Variants in B3GNT2 observed in about 807,000 individuals in gnomAD.
The protein encoded by B3GNT2 is UDP-GlcNAc:betaGal beta-1,3-N-acetylglucosaminyltransferase 2.
Under a neutral mutation model 27.6 loss-of-function variants are expected in B3GNT2, and 12 were observed. The observed-to-expected ratio is 0.44, with a 90% CI of 0.28 to 0.71. The LOEUF (loss-of-function observed/expected upper bound fraction) is 0.71, where lower values mean the gene tolerates loss of function less well. Among genes scored for constraint, B3GNT2 ranks in the 30% least tolerant of loss-of-function variants. B3GNT2 has a pLI of 0.17. For synonymous variants in B3GNT2, 192 were observed against 189.7 expected, an observed-to-expected ratio of 1.01 and a Z score of -0.10; for missense variants, 413 against 488.5, an observed-to-expected ratio of 0.85 and a Z score of 1.46.
chr2:62,217,766 A>G (rs1358883584), intron 1 of B3GNT2, among the ~76,000 whole-genome samples: 1 of 152,238 alleles, frequency 6.6e-6, no homozygotes, highest in African/African-American at 2.4e-5. Context: ...ACCACCCTGA[A>G]TAAACCCACT....
At chr2:62,214,946 A>T (rs1489427206) in intron 1 of B3GNT2, among the ~76,000 whole-genome samples, 2 of 152,176 alleles carry the variant, frequency 1.3e-5, no homozygotes, top group Admixed American at 6.5e-5. Context: ...TACTAAAGGC[A>T]GGGCAGAATG....
intron 1 of B3GNT2, among the ~76,000 whole-genome samples, chr2:62,203,949 TTG>T: frequency 6.6e-6 from 1 of 152,240 alleles, no homozygotes; most frequent in Non-Finnish European, 1.5e-5. Flanking sequence ...TTGGAATCCA[TTG>T]AACTCATGAA....
At chr2:62,200,337 G>A (rs574135367) in intron 1 of B3GNT2, among the ~76,000 whole-genome samples, 1 of 152,288 alleles carries the variant, frequency 6.6e-6, no homozygotes, top group South Asian at 2.1e-4. Context: ...GAAATTCCCA[G>A]TAGCCAGGAA....
chr2:62,216,765 G>T (rs547055139), intron 1 of B3GNT2, among the ~76,000 whole-genome samples: 1 of 152,188 alleles, frequency 6.6e-6, no homozygotes, highest in African/African-American at 2.4e-5. Context: ...GAAAACCATG[G>T]TTTTGCATGG....
chr2:62,204,477 A>T (rs1383276667), intron 1 of B3GNT2, among the ~76,000 whole-genome samples: 1 of 152,202 alleles, frequency 6.6e-6, no homozygotes, highest in African/African-American at 2.4e-5. Context: ...GCCGAATGAT[A>T]TTTTCAGATT....
intron 1 of B3GNT2, among the ~76,000 whole-genome samples, chr2:62,197,882 T>G (rs1343482260): frequency 1.3e-5 from 2 of 152,222 alleles, no homozygotes; most frequent in Non-Finnish European, 2.9e-5. Flanking sequence ...CTCCTGCTCC[T>G]GGTTCTTTTG....
In B3GNT2 at chr2:62,224,613, TA is replaced by T; in HGVS notation, c.*1200del. 6.0e-6 allele frequency: 1 copy of T among 167,236 alleles called. No individual in the cohort carries two copies. The allele number at this position is 167,236 out of a possible 1,614,324, so 10.4% of individuals were successfully genotyped here. A position where few individuals can be genotyped will look rare whatever the true frequency, so the allele number is the denominator to read the frequency against. On this transcript the variant is annotated 3_prime_UTR_variant, in exon 2 of 2. Coordinates refer to ENST00000301998, the MANE Select transcript of B3GNT2 (RefSeq NM_006577.6). ...TTTAAAATTCTGCCAAACTATTACT[TA>T]TATGTACTATTGTGTAACATACTTT...
intron 1 of B3GNT2, among the ~76,000 whole-genome samples, chr2:62,209,616 T>C (rs1259232377): frequency 2.6e-5 from 4 of 151,990 alleles, no homozygotes; most frequent in African/African-American, 9.7e-5. Flanking sequence ...GCCAGACCCT[T>C]TACCCGCCCC....
intron 1 of B3GNT2, among the ~76,000 whole-genome samples, chr2:62,208,863 C>G (rs1333544038): frequency 6.6e-6 from 1 of 152,054 alleles, no homozygotes; most frequent in East Asian, 1.9e-4. Context: ...TGTGTCAGAC[C>G]TGTTATCACA....
In B3GNT2 at chr2:62,224,582, C is replaced by G. The variant is rs1674787079; in HGVS notation, c.*1168C>G. ...ATTTGTTTTTTGGGGGTATGAACTA[C>G]TAGAGTTTAAAATTCTGCCAAACTA... On this transcript the variant is annotated 3_prime_UTR_variant, in exon 2 of 2. Coordinates refer to ENST00000301998, the MANE Select transcript of B3GNT2 (RefSeq NM_006577.6). The G allele has an allele frequency of 6.0e-6, 1 of 167,062 alleles. No individual in the cohort carries two copies. Among genetic ancestry groups the G allele is most frequent in the Admixed American group, 6.5e-5 (1 of 15,296 alleles). The allele number at this position is 167,062 out of a possible 1,614,324, so 10.3% of individuals were successfully genotyped here. A position where few individuals can be genotyped will look rare whatever the true frequency, so the allele number is the denominator to read the frequency against.
rs141719902 is a variant in B3GNT2, at chr2:62,200,112, G to A, written c.-10+3757G>A. Among the ~76,000 whole-genome samples the A allele has an allele frequency of 5.0e-3, 761 of 152,290 alleles. 4 individuals carry two copies. Among genetic ancestry groups the A allele is most frequent in the African/African-American group, 0.017 (694 of 41,538 alleles). ...TTGCCCTCTGTGTGTTGCCCTGTGAGTATTAACAACCTCTGCCCACCAGCT... is the reference window on the plus strand; with the variant it reads ...TTGCCCTCTGTGTGTTGCCCTGTGAATATTAACAACCTCTGCCCACCAGCT... On this transcript the variant is annotated intron_variant, in intron 1 of 1. Coordinates refer to ENST00000301998, the MANE Select transcript of B3GNT2 (RefSeq NM_006577.6).
chr2:62,212,764 G>C (rs1183807801), intron 1 of B3GNT2, among the ~76,000 whole-genome samples: 3 of 152,056 alleles, frequency 2.0e-5, no homozygotes, highest in African/African-American at 7.2e-5. Context: ...GCATCCTTTA[G>C]ATTGTTATTT....
chr2:62,210,060 A>C (rs1040564979), intron 1 of B3GNT2, among the ~76,000 whole-genome samples: 11 of 152,072 alleles, frequency 7.2e-5, no homozygotes, highest in Admixed American at 6.6e-5. Context: ...TTCTCATATC[A>C]ATTTGGAAAG....
Position 62,223,140 on chromosome 2 carries a change from G to T in B3GNT2, c.920G>T (p.Gly307Val). 6.2e-7 allele frequency: 1 copy of T among 1,614,162 alleles called. No individual in the cohort carries two copies. The highest frequency in any genetic ancestry group is 8.5e-7 in the Non-Finnish European group (1 of 1,180,024). Residue 307 changes from glycine to valine, a missense_variant, in exon 2 of 2, where the codon GGG (glycine) becomes GTG (valine). Physicochemically the swap from Gly to Val is moderately radical, Grantham distance 109 (BLOSUM62 -3). Transcript: ENST00000301998. ...CTCTACCCACCCTATGCAGGGGGAGGGGGGTTCCTCTACTCCGGCCACCTG... is the reference window on the plus strand; with the variant it reads ...CTCTACCCACCCTATGCAGGGGGAGTGGGGTTCCTCTACTCCGGCCACCTG... ...SGLYPPYAGGGGFLYSGHLAL... is the reference protein window; with the variant it reads ...SGLYPPYAGGVGFLYSGHLAL...
At chr2:62,198,932 C>A (rs1674209125) in intron 1 of B3GNT2, among the ~76,000 whole-genome samples, 1 of 151,988 alleles carries the variant, frequency 6.6e-6, no homozygotes, top group African/African-American at 2.4e-5. Flanking sequence ...TGAAACTTAG[C>A]TTTAAATGTT....
At position 62,222,765 on chromosome 2, in the gene B3GNT2, T is replaced by C. The variant is rs1225103448; in HGVS notation, c.545T>C (p.Leu182Pro). 1 of 1,614,076 alleles carries C rather than the reference T, an allele frequency of 6.2e-7. No individual in the cohort carries two copies. Among genetic ancestry groups the C allele is most frequent in the Non-Finnish European group, 8.5e-7 (1 of 1,180,044 alleles). ...CAAACGGTGGTGCGAGTCTTCCTGC[T>C]GGGCCAGACACCCCCAGAGGACAAC... is the stretch of plus-strand genomic sequence containing the variant. ...GNQTVVRVFL[L>P]GQTPPEDNHP... Residue 182 changes from leucine (L) to proline (P), a missense_variant, in exon 2 of 2, where the codon CTG becomes CCG. Coordinates refer to ENST00000301998, the MANE Select transcript of B3GNT2 (RefSeq NM_006577.6). The surrounding 1 kb of genome is among the most constrained non-coding windows in gnomAD (Gnocchi z 4.2).
At chr2:62,201,516 A>T (rs1268705597) in intron 1 of B3GNT2, among the ~76,000 whole-genome samples, 2 of 152,256 alleles carry the variant, frequency 1.3e-5, no homozygotes, top group Non-Finnish European at 2.9e-5. Context: ...CAGACAAGCC[A>T]CTTAAAACAT....
In B3GNT2 at chr2:62,196,533, A is replaced by G. The variant is rs529546866; in HGVS notation, c.-10+178A>G. 8.5e-5 allele frequency among the ~76,000 whole-genome samples: 13 copies of G among 152,328 alleles called. No homozygotes were observed. The South Asian group carries it at 1.0e-3, about 12-fold the overall frequency. ...TTCGTACCCGCGCCCCGGTGGAGGA[A>G]GCCGTCCCTAGGTGGCTCCTGCCGC... On this transcript the variant is annotated intron_variant, in intron 1 of 1. Transcript: ENST00000301998.
At chr2:62,214,340 AGAG>A (rs1442285236) in intron 1 of B3GNT2, among the ~76,000 whole-genome samples, 3 of 152,120 alleles carry the variant, frequency 2.0e-5, no homozygotes. Context: ...GCTCTGGAAT[AGAG>A]GAGAGATGAG....
Sources: gnomAD v4.1 joint callset for allele counts (sites outside exome capture counted in the v4.1 genomes callset) on GRCh38, gnomAD v4.1.1 for gene constraint, Gnocchi (gnomAD v3.1) non-coding constraint, MANE v1.5 for transcripts, NCBI Gene and HGNC (gene_info 2026-07-23, HGNC 2026-07-21) for gene names.